Variants in VPS8 observed in about 807,000 individuals in gnomAD.
VPS8 encodes VPS8 subunit of CORVET complex.
Under a neutral mutation model 216.4 loss-of-function variants are expected in VPS8, and 129 were observed. The ratio of observed to expected loss-of-function variants is 0.60; its 90% CI spans 0.52 to 0.69. The LOEUF (loss-of-function observed/expected upper bound fraction) is 0.69, where lower values mean the gene tolerates loss of function less well. VPS8 is among the 30% of genes least tolerant of loss of function. The pLI is 0.00. For missense variants in VPS8, 1,531 were observed against 1,683.5 expected, an observed-to-expected ratio of 0.91 and a Z score of 1.59; for synonymous variants, 571 against 565.4, an observed-to-expected ratio of 1.01 and a Z score of -0.14.
chr3:184,836,309 G>A (rs761382662), intron 5 of VPS8: 2 of 456,644 alleles, frequency 4.4e-6, no homozygotes, highest in Middle Eastern at 6.5e-4. Context: ...TTTCCATGAC[G>A]TTTTCTGAAT....
At chr3:184,892,696 G>C (rs1732590398) in intron 22 of VPS8, among the ~76,000 whole-genome samples, 2 of 152,194 alleles carry the variant, frequency 1.3e-5, no homozygotes, top group African/African-American at 4.8e-5. Context: ...GATTGGTTAA[G>C]AAAGAAACGT....
chr3:184,856,589 A>G (rs1018961828), intron 14 of VPS8, among the ~76,000 whole-genome samples: 5 of 152,162 alleles, frequency 3.3e-5, no homozygotes, highest in South Asian at 2.1e-4. Context: ...CTCTCTTCAT[A>G]TGTGCTCTAT....
At chr3:184,953,267 A>G (rs912187153) in intron 36 of VPS8, among the ~76,000 whole-genome samples, 1 of 152,216 alleles carries the variant, frequency 6.6e-6, no homozygotes, top group Non-Finnish European at 1.5e-5. Flanking sequence ...TTTTAAAGGC[A>G]GGGGAACATT....
intron 40 of VPS8, among the ~76,000 whole-genome samples, chr3:184,976,928 A>G (rs1294637104): frequency 2.0e-5 from 3 of 152,094 alleles, no homozygotes; most frequent in Non-Finnish European, 2.9e-5. Context: ...AACATATGGT[A>G]CATGTATCTT....
intron 10 of VPS8, 73 bp downstream of exon 10, chr3:184,850,095 T>C (rs1723963717): frequency 7.7e-7 from 1 of 1,291,178 alleles, no homozygotes; most frequent in South Asian, 1.4e-5. Context: ...TAAATTTCTC[T>C]ATGTTGATGA....
chr3:184,982,904 TA>T, intron 41 of VPS8, 107 bp from the exon 42 acceptor site: 1 of 1,013,778 alleles, frequency 9.9e-7, no homozygotes, highest in Non-Finnish European at 1.4e-6. Flanking sequence ...CTTGGTTAGC[TA>T]AGTTTCTAAG....
intron 20 of VPS8, 33 bp from the exon 21 acceptor site, chr3:184,870,677 ATATATT>A: frequency 6.8e-7 from 1 of 1,474,454 alleles, no homozygotes; most frequent in Admixed American, 1.9e-5. Flanking sequence ...AACTTTAGAG[ATATATT>A]TTAATGTCTA....
At chr3:185,004,881 T>C (rs947639575) in intron 45 of VPS8, among the ~76,000 whole-genome samples, 2 of 151,312 alleles carry the variant, frequency 1.3e-5, no homozygotes, top group African/African-American at 4.8e-5. Context: ...GTTCCATTTA[T>C]TTATTTGGTT....
intron 42 of VPS8, among the ~76,000 whole-genome samples, chr3:184,991,666 A>G (rs1413757320): frequency 6.6e-6 from 1 of 152,196 alleles, no homozygotes; most frequent in East Asian, 1.9e-4. Context: ...TTTTTCTAAT[A>G]AGATATTGTA....
At chr3:185,048,706 C>A in intron 47 of VPS8, 147 bp downstream of exon 47, 2 of 817,426 alleles carry the variant, frequency 2.4e-6, no homozygotes, top group African/African-American at 1.7e-5. Flanking sequence ...GACAACAGAC[C>A]CTGGCCCCAA....
At chr3:185,048,639 C>T in intron 47 of VPS8, 80 bp downstream of exon 47, 1 of 1,491,676 alleles carries the variant, frequency 6.7e-7, no homozygotes, top group Non-Finnish European at 9.2e-7. Flanking sequence ...CTTGGAACCT[C>T]CCTCTAGCCT....
In VPS8 at chr3:184,936,287, TGC is replaced by T; in HGVS notation, c.2941_2942del (p.Ala981HisfsTer8). ...AGCCTTGTAAAGCTGCGGAGCTGGTTGCCACCCACTTTTCTGGACATATTGAA... is the reference window on the plus strand; with the variant it reads ...AGCCTTGTAAAGCTGCGGAGCTGGTTCACCCACTTTTCTGGACATATTGAA... ...LKPCKAAELV[A>X]THFSGHIETV... On this transcript the variant is annotated frameshift_variant, in exon 35 of 48. Transcript: ENST00000625842. LOFTEE classifies it high-confidence loss of function. The T allele has an allele frequency of 2.5e-6, 4 of 1,611,978 alleles. No homozygotes were observed. The highest frequency in any genetic ancestry group is 3.4e-6 in the Non-Finnish European group (4 of 1,179,090).
chr3:184,894,661 G>A (rs1341045670), intron 22 of VPS8, 42 bp from the exon 23 acceptor site: 2 of 1,431,320 alleles, frequency 1.4e-6, no homozygotes, highest in Non-Finnish European at 1.9e-6. Flanking sequence ...ATGGATATTT[G>A]GCATGTTCCT....
intron 40 of VPS8, among the ~76,000 whole-genome samples, chr3:184,976,711 T>G (rs1337442441): frequency 6.6e-6 from 1 of 152,110 alleles, no homozygotes; most frequent in Admixed American, 6.5e-5. Context: ...TGAGAACACG[T>G]GGTATTTGGT....
Position 184,886,099 on chromosome 3 carries a change from T to G in VPS8, c.1735-11T>G. On this transcript the variant is annotated splice_polypyrimidine_tract_variant and intron_variant, in intron 21 of 47. Coordinates refer to ENST00000625842, the MANE Select transcript of VPS8 (RefSeq NM_001009921.3). ...TGTGGGGCTGATGCTTTCTTTATGG[T>G]TCCTCTACAGGATATGGTGCCTGTC... The G allele has an allele frequency of 6.2e-7, 1 of 1,607,252 alleles. No homozygotes were observed. The highest frequency in any genetic ancestry group is 8.5e-7 in the Non-Finnish European group (1 of 1,176,640).
chr3:184,974,840 C>G (rs1333868529), intron 40 of VPS8, among the ~76,000 whole-genome samples: 1 of 152,042 alleles, frequency 6.6e-6, no homozygotes, highest in African/African-American at 2.4e-5. Flanking sequence ...ATATTATTGA[C>G]TCCTTTGTGA....
At chr3:184,964,399 C>T in intron 37 of VPS8, 69 bp from the exon 38 acceptor site, 2 of 962,208 alleles carry the variant, frequency 2.1e-6, no homozygotes, top group Non-Finnish European at 2.9e-6. Flanking sequence ...TTTTTTCATC[C>T]TCAATGGGAT....
intron 46 of VPS8, among the ~76,000 whole-genome samples, chr3:185,035,849 C>G (rs1758805572): frequency 6.6e-6 from 1 of 152,094 alleles, no homozygotes. Context: ...TGATTCTATA[C>G]CTAGAATATC....
Position 184,974,968 on chromosome 3 carries a change from T to C in VPS8, c.3420+3216T>C, listed in dbSNP as rs180992793. On this transcript the variant is annotated intron_variant, in intron 40 of 47. Coordinates refer to ENST00000625842, the MANE Select transcript of VPS8 (RefSeq NM_001009921.3). ...TGTTTTGGTTATTACAGCTTTGTAA[T>C]ATATTTTGACATCAGGTAGTATGAT... Among the ~76,000 whole-genome samples the C allele has an allele frequency of 1.8e-4, 28 of 152,342 alleles. No homozygotes were observed. In the East Asian group the frequency reaches 5.2e-3, roughly 28 times the overall value.
Sources: gnomAD v4.1 joint callset for allele counts (sites outside exome capture counted in the v4.1 genomes callset) on GRCh38, gnomAD v4.1.1 for gene constraint, MANE v1.5 for transcripts, NCBI Gene and HGNC (gene_info 2026-07-23, HGNC 2026-07-21) for gene names.